The following DGKB variants were observed in gnomAD, a reference collection of about 807,000 sequenced individuals.
The protein encoded by DGKB is diacylglycerol kinase beta, also known as 90 kDa diacylglycerol kinase.
A neutral mutation model predicts 114.3 loss-of-function variants in DGKB; 67 were observed. The observed-to-expected ratio is 0.59, with a 90% confidence interval of 0.48 to 0.72. DGKB has a LOEUF of 0.72. Among genes scored for constraint, DGKB ranks in the 30% least tolerant of loss-of-function variants. The pLI, the probability that DGKB is intolerant of heterozygous loss-of-function variation, is 0.00. For synonymous variants in DGKB, 398 were observed against 323.1 expected, an observed-to-expected ratio of 1.23 and a Z score of -2.49; for missense variants, 907 against 975.2, an observed-to-expected ratio of 0.93 and a Z score of 0.93.
intron 20 of DGKB, among the ~76,000 whole-genome samples, chr7:14,506,589 A>T (rs1436240405): frequency 6.6e-6 from 1 of 152,174 alleles, no homozygotes; most frequent in Non-Finnish European, 1.5e-5. Context: ...TCATTCATTC[A>T]TTCACAAAAC....
intron 5 of DGKB, among the ~76,000 whole-genome samples, chr7:14,731,480 G>A (rs1830913837): frequency 6.6e-6 from 1 of 152,070 alleles, no homozygotes; most frequent in East Asian, 1.9e-4. Context: ...CTCGGATACA[G>A]TGCCAATAAT....
At chr7:14,301,140 A>G (rs1803472643) in intron 23 of DGKB, among the ~76,000 whole-genome samples, 3 of 152,118 alleles carry the variant, frequency 2.0e-5, no homozygotes. Flanking sequence ...GCAGTCTTTG[A>G]TATTTTATGG....
chr7:14,747,497 T>A (rs1833473117), intron 4 of DGKB, among the ~76,000 whole-genome samples: 1 of 152,332 alleles, frequency 6.6e-6, no homozygotes, highest in Non-Finnish European at 1.5e-5. Context: ...AATTCTATGT[T>A]GTCCACATTA....
chr7:14,842,673 T>A (rs1848099231), intron 1 of DGKB, among the ~76,000 whole-genome samples: 1 of 152,132 alleles, frequency 6.6e-6, no homozygotes, highest in African/African-American at 2.4e-5. Flanking sequence ...TACAGGCAGT[T>A]TTGGTGGGAC....
At position 14,330,225 on chromosome 7, in the gene DGKB, C is replaced by T. The variant is rs1449813632; in HGVS notation, c.2122+8290G>A. On this transcript the variant is annotated intron_variant, in intron 23 of 25. Coordinates refer to ENST00000402815, the MANE Select transcript of DGKB (RefSeq NM_001350709.2). ...ATTAAAAATCCTGAGTAAACACATTCATTTCCTTTTTCCCTTGCAACTATT... is the reference window on the plus strand; with the variant it reads ...ATTAAAAATCCTGAGTAAACACATTTATTTCCTTTTTCCCTTGCAACTATT... Among the ~76,000 whole-genome samples, 3 of 151,850 alleles carry T rather than the reference C, an allele frequency of 2.0e-5. No individual in the cohort carries two copies. In the East Asian group the frequency reaches 5.8e-4, roughly 29 times the overall value.
chr7:14,728,656 C>T (rs1363208203), intron 5 of DGKB, among the ~76,000 whole-genome samples: 1 of 151,908 alleles, frequency 6.6e-6, no homozygotes, highest in Non-Finnish European at 1.5e-5. Flanking sequence ...CATGAGGATC[C>T]CACATTCCCA....
intron 1 of DGKB, among the ~76,000 whole-genome samples, chr7:14,967,912 A>C (rs1049203646): frequency 3.9e-5 from 6 of 152,120 alleles, no homozygotes; most frequent in African/African-American, 1.2e-4. Flanking sequence ...AAAGCAACCT[A>C]AAGTTAGTGC....
At chr7:14,585,843 T>G (rs943079553) in intron 17 of DGKB, among the ~76,000 whole-genome samples, 1 of 152,126 alleles carries the variant, frequency 6.6e-6, no homozygotes, top group Non-Finnish European at 1.5e-5. Context: ...TCAGTTATTA[T>G]AGTAATTGCT....
Position 14,565,252 on chromosome 7 carries a change from C to T in DGKB, c.1770+8960G>A, listed in dbSNP as rs1475102074. On this transcript the variant is annotated intron_variant, in intron 20 of 25. Coordinates refer to ENST00000402815, the MANE Select transcript of DGKB (RefSeq NM_001350709.2). ...GTTGGATGCTGGGAGTCATATGGCC[C>T]ATTATCATCATCAGCCTACTAACAG... Among the ~76,000 whole-genome samples the T allele has an allele frequency of 2.9e-4, 44 of 152,062 alleles. 1 individual carries two copies.
intron 23 of DGKB, among the ~76,000 whole-genome samples, chr7:14,297,990 A>G (rs1328329655): frequency 6.6e-6 from 1 of 152,208 alleles, no homozygotes; most frequent in African/African-American, 2.4e-5. Context: ...TAGGAATACA[A>G]CTTACAAGGG....
chr7:14,350,155 C>G (rs879410424), intron 21 of DGKB, among the ~76,000 whole-genome samples: 1 of 152,100 alleles, frequency 6.6e-6, no homozygotes, highest in African/African-American at 2.4e-5. Context: ...AATTTTCATA[C>G]GAACTGTAAT....
intron 21 of DGKB, among the ~76,000 whole-genome samples, chr7:14,459,927 A>G (rs1448969723): frequency 6.6e-6 from 1 of 152,144 alleles, no homozygotes; most frequent in East Asian, 1.9e-4. Context: ...GCCAGAAGAG[A>G]GAGGGGGGCC....
At chr7:14,447,747 G>A (rs1180409494) in intron 21 of DGKB, among the ~76,000 whole-genome samples, 1 of 151,996 alleles carries the variant, frequency 6.6e-6, no homozygotes, top group Non-Finnish European at 1.5e-5. Flanking sequence ...GTGTATCACA[G>A]CCAAGTTGTC....
intron 1 of DGKB, among the ~76,000 whole-genome samples, chr7:14,845,106 CA>C (rs59367496): frequency 5.6e-5 from 5 of 89,240 alleles, no homozygotes; most frequent in Admixed American, 1.2e-4. Flanking sequence ...GGCCCTGTGT[CA>C]AAAAAAAAAA....
intron 21 of DGKB, among the ~76,000 whole-genome samples, chr7:14,430,643 A>T (rs1828315363): frequency 6.6e-6 from 1 of 152,174 alleles, no homozygotes; most frequent in South Asian, 2.1e-4. Flanking sequence ...ATAAAGTTTC[A>T]TTTTAGATGA....
chr7:14,649,602 A>G (rs1813965762), intron 13 of DGKB, among the ~76,000 whole-genome samples: 2 of 151,776 alleles, frequency 1.3e-5, no homozygotes, highest in Non-Finnish European at 2.9e-5. Flanking sequence ...GAGCAAAATC[A>G]CCAGCTAACA....
intron 5 of DGKB, 59 bp downstream of exon 5, chr7:14,735,982 G>C (rs1314376323): frequency 9.9e-7 from 1 of 1,008,466 alleles, no homozygotes; most frequent in Non-Finnish European, 1.4e-6. Flanking sequence ...ATGATAACTA[G>C]ATATTTATTT....
chr7:14,397,521 G>A (rs1486705902), intron 21 of DGKB, among the ~76,000 whole-genome samples: 1 of 152,040 alleles, frequency 6.6e-6, no homozygotes, highest in African/African-American at 2.4e-5. Context: ...GTCTAGAACT[G>A]CTGTGTCCTT....
intron 21 of DGKB, among the ~76,000 whole-genome samples, chr7:14,409,083 A>G (rs561024567): frequency 4.1e-4 from 63 of 152,280 alleles, no homozygotes; most frequent in African/African-American, 1.4e-3. Context: ...ATAAAGATCC[A>G]GTAGCAAATC....
Sources: allele counts gnomAD v4.1 joint callset (sites outside exome capture counted in the v4.1 genomes callset), GRCh38; gene constraint gnomAD v4.1.1; transcripts MANE v1.5; gene names NCBI Gene and HGNC (gene_info 2026-07-23, HGNC 2026-07-21).